The following LRBA variants were observed in gnomAD, a reference collection of about 807,000 sequenced individuals.
LRBA encodes lipopolysaccharide-responsive and beige-like anchor protein.
Under a neutral mutation model 330.0 loss-of-function variants are expected in LRBA, and 176 were observed. That is an observed-to-expected ratio of 0.53 (90% CI 0.47 to 0.60). The LOEUF (loss-of-function observed/expected upper bound fraction) is 0.60. LRBA is among the 20% of genes least tolerant of loss of function. The pLI is 0.00. For synonymous variants in LRBA, 1,230 were observed against 1,193.0 expected, an observed-to-expected ratio of 1.03 and a Z score of -0.64; for missense variants, 3,259 against 3,444.8, an observed-to-expected ratio of 0.95 and a Z score of 1.35.
At chr4:150,309,302 T>A (rs1730760126) in intron 52 of LRBA, among the ~76,000 whole-genome samples, 1 of 152,116 alleles carries the variant, frequency 6.6e-6, no homozygotes, top group East Asian at 1.9e-4. Flanking sequence ...TGACCCCATA[T>A]AGCCTAGGTG....
chr4:150,639,861 A>G (rs183834831), intron 37 of LRBA, among the ~76,000 whole-genome samples: 44 of 80,876 alleles, frequency 5.4e-4, no homozygotes, highest in Non-Finnish European at 6.4e-4. Context: ...ATATATATAT[A>G]TATATATATA....
At chr4:150,796,224 A>T (rs1420521920) in intron 34 of LRBA, among the ~76,000 whole-genome samples, 1 of 151,936 alleles carries the variant, frequency 6.6e-6, no homozygotes, top group East Asian at 1.9e-4. Flanking sequence ...CATATCTCTT[A>T]AGCTTTCATG....
At chr4:150,279,480 G>GA (rs965138374) in intron 55 of LRBA, among the ~76,000 whole-genome samples, 18 of 152,198 alleles carry the variant, frequency 1.2e-4, no homozygotes, top group African/African-American at 4.3e-4. Context: ...AAGCCAGAAA[G>GA]AAAAAAACCT....
At chr4:150,880,503 G>A (rs1254790726) in intron 17 of LRBA, among the ~76,000 whole-genome samples, 3 of 138,946 alleles carry the variant, frequency 2.2e-5, no homozygotes, top group East Asian at 4.2e-4. Flanking sequence ...CTGGGAAACA[G>A]AGCAATACCC....
intron 9 of LRBA, among the ~76,000 whole-genome samples, chr4:150,911,095 T>C (rs940203885): frequency 2.6e-5 from 4 of 152,194 alleles, no homozygotes; most frequent in Non-Finnish European, 5.9e-5. Context: ...TTCAGTGAAA[T>C]CTTTAAGGAT....
At chr4:150,487,692 G>C (rs747117663) in intron 42 of LRBA, 40 bp downstream of exon 42, 11 of 1,131,422 alleles carry the variant, frequency 9.7e-6, no homozygotes, top group Non-Finnish European at 1.5e-5. Context: ...TAACTATTAA[G>C]ACACTTTACT....
chr4:150,930,187 C>A (rs1340390593), intron 2 of LRBA, among the ~76,000 whole-genome samples: 1 of 151,890 alleles, frequency 6.6e-6, no homozygotes, highest in African/African-American at 2.4e-5. Flanking sequence ...TGGTGGCATG[C>A]GCCTGTAATC....
rs1491313014 is a variant in LRBA, at chr4:150,805,525, GAA to G, written c.5518+744_5518+745del. On this transcript the variant is annotated intron_variant, in intron 33 of 56. Coordinates refer to ENST00000651943, the MANE Select transcript of LRBA (RefSeq NM_001364905.1). The stretch of plus-strand genomic sequence containing the variant: ...AGGAGAAAGAGAAGGAAAGGAAAAG[GAA>G]AGGAAAGGAAGGGAGAAGGAAAGGA... Among the ~76,000 whole-genome samples, 233 of 117,848 alleles carry G rather than the reference GAA, an allele frequency of 2.0e-3. 6 individuals are homozygous for G. The highest frequency in any genetic ancestry group is 6.0e-3 in the African/African-American group (189 of 31,382). 77.3% of individuals were successfully genotyped at this position (117,848 alleles called of 152,430 possible). A position where few individuals can be genotyped will look rare whatever the true frequency, so the allele number is the denominator to read the frequency against.
chr4:150,653,200 T>A (rs1779871232), intron 37 of LRBA, among the ~76,000 whole-genome samples: 1 of 152,040 alleles, frequency 6.6e-6, no homozygotes. Flanking sequence ...CTTTCTCTCA[T>A]CAATGTGGTT....
At chr4:150,390,065 T>A (rs988554391) in intron 47 of LRBA, among the ~76,000 whole-genome samples, 8 of 152,138 alleles carry the variant, frequency 5.3e-5, no homozygotes, top group African/African-American at 1.7e-4. Context: ...TAATGGGTAA[T>A]TCTTCATGAT....
intron 44 of LRBA, among the ~76,000 whole-genome samples, chr4:150,466,120 A>G: frequency 6.6e-6 from 1 of 152,110 alleles, no homozygotes; most frequent in East Asian, 1.9e-4. Flanking sequence ...AATAAAACAG[A>G]CAATGGCTAG....
chr4:150,841,799 C>T (rs538897250), intron 28 of LRBA, among the ~76,000 whole-genome samples: 1 of 151,810 alleles, frequency 6.6e-6, no homozygotes, highest in South Asian at 2.1e-4. Context: ...ACTACAGGCA[C>T]CCACAACCAT....
intron 40 of LRBA, among the ~76,000 whole-genome samples, chr4:150,535,119 T>C (rs1265480009): frequency 1.3e-5 from 2 of 152,178 alleles, no homozygotes; most frequent in African/African-American, 4.8e-5. Context: ...CTCTTACCTT[T>C]ATCTATTGTG....
chr4:150,538,048 T>G (rs887844790), intron 40 of LRBA, among the ~76,000 whole-genome samples: 2 of 152,150 alleles, frequency 1.3e-5, no homozygotes, highest in African/African-American at 4.8e-5. Context: ...TCAACATCAC[T>G]AATCATCAGA....
At chr4:151,001,061 C>T (rs772363486) in intron 2 of LRBA, among the ~76,000 whole-genome samples, 40 of 150,972 alleles carry the variant, frequency 2.6e-4, no homozygotes, top group Non-Finnish European at 3.8e-4. Flanking sequence ...AACAGCACCA[C>T]TCCACTGAGG....
intron 17 of LRBA, among the ~76,000 whole-genome samples, chr4:150,873,580 A>T (rs1288053331): frequency 2.6e-5 from 4 of 151,298 alleles, no homozygotes; most frequent in Non-Finnish European, 5.9e-5. Context: ...ACACAGTGAG[A>T]CTCTGTCTCA....
intron 41 of LRBA, among the ~76,000 whole-genome samples, chr4:150,489,107 A>C (rs1482418800): frequency 9.9e-6 from 1 of 101,456 alleles, no homozygotes; most frequent in African/African-American, 3.9e-5. Flanking sequence ...ACAATATATT[A>C]TATATCATAT....
At chr4:150,550,297 TAAAACAACACCCC>T (rs1405644651) in intron 40 of LRBA, among the ~76,000 whole-genome samples, 2 of 152,110 alleles carry the variant, frequency 1.3e-5, no homozygotes, top group Non-Finnish European at 2.9e-5. Flanking sequence ...TAGGGGTAGC[TAAAACAACACCCC>T]AAAACAACCT....
intron 2 of LRBA, chr4:150,970,712 T>A (rs549350310): frequency 1.3e-5 from 2 of 152,060 alleles, no homozygotes; most frequent in African/African-American, 4.8e-5. Context: ...CCTGTACTAA[T>A]CAGGCCTAAC....
Sources: allele counts gnomAD v4.1 joint callset (sites outside exome capture counted in the v4.1 genomes callset), GRCh38; gene constraint gnomAD v4.1.1; transcripts MANE v1.5; gene names NCBI Gene and HGNC (gene_info 2026-07-23, HGNC 2026-07-21).